Variants in SPAG16 observed in about 807,000 individuals in gnomAD.
SPAG16 encodes the protein sperm associated antigen 16, also known as sperm-associated antigen 16 protein.
SPAG16 carries 86 observed loss-of-function variants against 80.4 expected under a neutral mutation model. The observed-to-expected ratio is 1.07, with a 90% CI of 0.90 to 1.28. The LOEUF (loss-of-function observed/expected upper bound fraction) is 1.28, where lower values mean the gene tolerates loss of function less well. SPAG16 is among the 50% of genes most tolerant of loss of function. SPAG16 has a pLI of 0.00. For synonymous variants in SPAG16, 294 were observed against 265.9 expected, an observed-to-expected ratio of 1.11 and a Z score of -1.03; for missense variants, 870 against 765.3, an observed-to-expected ratio of 1.14 and a Z score of -1.61.
chr2:213,696,473 A>G (rs1273913863), intron 10 of SPAG16, among the ~76,000 whole-genome samples: 1 of 152,136 alleles, frequency 6.6e-6, no homozygotes, highest in African/African-American at 2.4e-5. Context: ...AAAAAAATTC[A>G]GGGCACATCC....
chr2:214,316,462 G>A (rs965974573), intron 15 of SPAG16, among the ~76,000 whole-genome samples: 4 of 152,042 alleles, frequency 2.6e-5, no homozygotes, highest in African/African-American at 9.7e-5. Context: ...AATGCTATTG[G>A]TCAAAAATGA....
At chr2:213,803,464 C>T (rs1419858034) in intron 10 of SPAG16, among the ~76,000 whole-genome samples, 1 of 152,146 alleles carries the variant, frequency 6.6e-6, no homozygotes, top group Admixed American at 6.5e-5. Flanking sequence ...ATAAGCTAGA[C>T]TTCCCATTGT....
At chr2:213,974,916 AT>A (rs2045280469) in intron 12 of SPAG16, among the ~76,000 whole-genome samples, 1 of 150,552 alleles carries the variant, frequency 6.6e-6, no homozygotes, top group Admixed American at 6.7e-5. Flanking sequence ...TTTAACAGTT[AT>A]CAAGAATCTA....
intron 10 of SPAG16, among the ~76,000 whole-genome samples, chr2:213,694,193 T>A (rs1031932414): frequency 2.6e-5 from 4 of 152,140 alleles, no homozygotes; most frequent in African/African-American, 9.7e-5. Flanking sequence ...GCATATTACT[T>A]AGGTGAGAAG....
intron 5 of SPAG16, among the ~76,000 whole-genome samples, chr2:213,323,290 A>C (rs2063700800): frequency 6.6e-6 from 1 of 152,022 alleles, no homozygotes; most frequent in East Asian, 1.9e-4. Context: ...AAATACAAAA[A>C]ATTAGCCGGG....
At chr2:213,306,998 A>C (rs2062966260) in intron 3 of SPAG16, among the ~76,000 whole-genome samples, 1 of 152,162 alleles carries the variant, frequency 6.6e-6, no homozygotes, top group Non-Finnish European at 1.5e-5. Context: ...CTGCAGGGTT[A>C]ATGATCAGAG....
At chr2:213,949,178 T>TTTTTTTTTTTTTTTTTTTTTTTTTTTTG (rs1559620229) in intron 12 of SPAG16, among the ~76,000 whole-genome samples, 1 of 19,152 alleles carries the variant, frequency 5.2e-5, no homozygotes, top group Admixed American at 1.1e-3. Context: ...AGTTTTTTTT[T>TTTTTTTTTTTTTTTTTTTTTTTTTTTTG]TTTTTTTTTT....
chr2:213,614,866 A>G (rs1032098327), intron 10 of SPAG16, among the ~76,000 whole-genome samples: 1 of 152,230 alleles, frequency 6.6e-6, no homozygotes, highest in African/African-American at 2.4e-5. Context: ...TCAATACAGG[A>G]CTTCCTGGAA....
chr2:214,393,461 G>C (rs1028498908), intron 15 of SPAG16, among the ~76,000 whole-genome samples: 4 of 151,020 alleles, frequency 2.6e-5, no homozygotes, highest in African/African-American at 9.7e-5. Flanking sequence ...ATTTATTTAA[G>C]TATGTACTCA....
At chr2:213,941,449 AAC>A (rs965492880) in intron 12 of SPAG16, among the ~76,000 whole-genome samples, 113 of 152,054 alleles carry the variant, frequency 7.4e-4, no homozygotes, top group African/African-American at 2.6e-3. Flanking sequence ...CACACACACA[AAC>A]ACACACATAC....
chr2:214,357,819 C>T (rs1258668255), intron 15 of SPAG16, among the ~76,000 whole-genome samples: 2 of 151,706 alleles, frequency 1.3e-5, no homozygotes, highest in Non-Finnish European at 2.9e-5. Context: ...TAAAGAGATT[C>T]CTCTAGGGAA....
chr2:214,072,566 A>C (rs2050840418), intron 13 of SPAG16, among the ~76,000 whole-genome samples: 1 of 152,172 alleles, frequency 6.6e-6, no homozygotes, highest in African/African-American at 2.4e-5. Context: ...CTGTTTAGGG[A>C]AATCTGCTAT....
intron 14 of SPAG16, among the ~76,000 whole-genome samples, chr2:214,143,575 A>AT (rs1187604559): frequency 6.6e-6 from 1 of 152,134 alleles, no homozygotes; most frequent in Non-Finnish European, 1.5e-5. Flanking sequence ...TCACAAAAAC[A>AT]TTTTTTTCTG....
rs188785869 is a variant in SPAG16, at chr2:214,391,864, G to A, written c.1721-18276G>A. Among the ~76,000 whole-genome samples the A allele has an allele frequency of 2.0e-4, 31 of 152,234 alleles. No individual in the cohort carries two copies. In the East Asian group the frequency reaches 3.7e-3, roughly 18 times the overall value. On this transcript the variant is annotated intron_variant, in intron 15 of 15. Transcript: ENST00000331683. ...CCAACCCTGCTCAACCAGGCAACTG[G>A]TTCTATTTGAACCACAATTATCAAG...
chr2:214,195,961 C>T (rs900129979), intron 15 of SPAG16, among the ~76,000 whole-genome samples: 6 of 151,968 alleles, frequency 3.9e-5, no homozygotes, highest in Non-Finnish European at 8.8e-5. Flanking sequence ...GCCAGAGGAA[C>T]ACCAGTACCT....
chr2:213,448,639 G>T (rs1425871365), intron 9 of SPAG16, among the ~76,000 whole-genome samples: 3 of 152,194 alleles, frequency 2.0e-5, no homozygotes, highest in African/African-American at 7.2e-5. Flanking sequence ...GACCCAAATG[G>T]AGGGACGGGC....
chr2:214,162,686 G>A (rs1235826079), intron 15 of SPAG16, among the ~76,000 whole-genome samples: 1 of 152,018 alleles, frequency 6.6e-6, no homozygotes, highest in Non-Finnish European at 1.5e-5. Flanking sequence ...GCCTGTTTCT[G>A]ATCTAGCACA....
chr2:214,301,012 AC>A (rs1451311900), intron 15 of SPAG16, among the ~76,000 whole-genome samples: 1 of 142,258 alleles, frequency 7.0e-6, no homozygotes, highest in African/African-American at 2.6e-5. Context: ...ATTCTCATGT[AC>A]CCTAAAACTT....
At chr2:214,204,708 A>G (rs1445300959) in intron 15 of SPAG16, among the ~76,000 whole-genome samples, 3 of 152,192 alleles carry the variant, frequency 2.0e-5, no homozygotes, top group Non-Finnish European at 2.9e-5. Context: ...TCCCTCTGAC[A>G]TAATCTACCC....
Sources: allele counts gnomAD v4.1 joint callset (sites outside exome capture counted in the v4.1 genomes callset), GRCh38; gene constraint gnomAD v4.1.1; transcripts MANE v1.5; gene names NCBI Gene and HGNC (gene_info 2026-07-23, HGNC 2026-07-21).